Variants in SPAG16 observed in about 807,000 individuals in gnomAD.
SPAG16 encodes sperm associated antigen 16.
SPAG16 carries 86 observed loss-of-function variants against 80.4 expected under a neutral mutation model. The ratio of observed to expected loss-of-function variants is 1.07; its 90% confidence interval spans 0.90 to 1.28. SPAG16 has a LOEUF of 1.28. SPAG16 is among the 50% of genes most tolerant of loss of function. The pLI is 0.00. For missense variants in SPAG16, 870 were observed against 765.3 expected, an observed-to-expected ratio of 1.14 and a Z score of -1.61; for synonymous variants, 294 against 265.9, an observed-to-expected ratio of 1.11 and a Z score of -1.03.
At chr2:214,128,435 G>T (rs1052950981) in intron 14 of SPAG16, among the ~76,000 whole-genome samples, 6 of 151,732 alleles carry the variant, frequency 4.0e-5, no homozygotes. Flanking sequence ...TCATTGTCTG[G>T]TTATGCTCAC....
intron 3 of SPAG16, among the ~76,000 whole-genome samples, chr2:213,305,584 C>T (rs1250377525): frequency 2.6e-5 from 4 of 152,074 alleles, no homozygotes; most frequent in Non-Finnish European, 5.9e-5. Context: ...TGAATTTTAT[C>T]AAATGCTTTT....
chr2:213,825,843 C>G (rs904601654), intron 10 of SPAG16, among the ~76,000 whole-genome samples: 3 of 151,074 alleles, frequency 2.0e-5, no homozygotes, highest in African/African-American at 7.3e-5. Context: ...ATTAGGTCTT[C>G]TTTAAATGTT....
chr2:213,344,747 T>C (rs2064879330), intron 6 of SPAG16, among the ~76,000 whole-genome samples: 1 of 152,032 alleles, frequency 6.6e-6, no homozygotes. Context: ...CCATGGTGTA[T>C]ATGTGCCACA....
chr2:214,016,484 G>A (rs1286976544), intron 13 of SPAG16, among the ~76,000 whole-genome samples: 1 of 152,078 alleles, frequency 6.6e-6, no homozygotes, highest in East Asian at 1.9e-4. Flanking sequence ...GATTTGGGTG[G>A]GGAACAAAAA....
intron 15 of SPAG16, among the ~76,000 whole-genome samples, chr2:214,357,482 C>G (rs1001800092): frequency 3.3e-5 from 5 of 151,870 alleles, no homozygotes; most frequent in Non-Finnish European, 7.4e-5. Context: ...CTAATCTGCT[C>G]TACCCCCTCC....
intron 15 of SPAG16, among the ~76,000 whole-genome samples, chr2:214,192,091 G>A (rs190453020): frequency 9.2e-5 from 14 of 152,206 alleles, no homozygotes; most frequent in African/African-American, 3.4e-4. Flanking sequence ...AAAACTCTGT[G>A]AAGACATGCA....
intron 15 of SPAG16, among the ~76,000 whole-genome samples, chr2:214,227,697 G>GGT (rs1396925045): frequency 2.7e-5 from 2 of 74,032 alleles, no homozygotes; most frequent in African/African-American, 5.4e-5. Flanking sequence ...TCTTGTGGAA[G>GGT]GTGTATGTGT....
At chr2:213,532,429 C>G (rs1316981200) in intron 10 of SPAG16, among the ~76,000 whole-genome samples, 1 of 149,652 alleles carries the variant, frequency 6.7e-6, no homozygotes, top group East Asian at 1.9e-4. Context: ...CTGTTTATTT[C>G]TTGAAAGTTT....
At chr2:213,342,834 A>G (rs115389680) in intron 6 of SPAG16, among the ~76,000 whole-genome samples, 2,678 of 151,868 alleles carry the variant, frequency 0.018, 72 homozygotes, top group African/African-American at 0.051. Flanking sequence ...CGTGATGCCT[A>G]AGAGAAGACA....
chr2:214,312,128 T>C (rs1419393529), intron 15 of SPAG16, among the ~76,000 whole-genome samples: 1 of 152,230 alleles, frequency 6.6e-6, no homozygotes, highest in East Asian at 1.9e-4. Context: ...AATCATTTCC[T>C]TTGTGATGAA....
At chr2:213,652,572 G>A (rs984367874) in intron 10 of SPAG16, among the ~76,000 whole-genome samples, 45 of 151,894 alleles carry the variant, frequency 3.0e-4, no homozygotes, top group African/African-American at 1.0e-3. Flanking sequence ...TGTCTATATT[G>A]TATTATTTTA....
At chr2:214,200,247 C>T (rs2057970840) in intron 15 of SPAG16, among the ~76,000 whole-genome samples, 1 of 151,942 alleles carries the variant, frequency 6.6e-6, no homozygotes. Flanking sequence ...TTTTATTACT[C>T]GAAGGTAAGT....
At chr2:213,506,601 G>T (rs1219506967) in intron 10 of SPAG16, among the ~76,000 whole-genome samples, 3 of 152,066 alleles carry the variant, frequency 2.0e-5, no homozygotes, top group Non-Finnish European at 4.4e-5. Flanking sequence ...GTGGACTGAG[G>T]TTTATTAAAT....
chr2:213,927,593 A>G (rs936582246), intron 11 of SPAG16, among the ~76,000 whole-genome samples: 3 of 152,240 alleles, frequency 2.0e-5, no homozygotes, highest in Middle Eastern at 6.3e-3. Context: ...CTGACTCTAT[A>G]TATTAAAAAC....
chr2:214,322,735 A>G (rs2125996367), intron 15 of SPAG16, among the ~76,000 whole-genome samples: 1 of 152,290 alleles, frequency 6.6e-6, no homozygotes, highest in East Asian at 1.9e-4. Context: ...CATTATTTAT[A>G]AAAATCAAAA....
intron 10 of SPAG16, among the ~76,000 whole-genome samples, chr2:213,786,066 TTATTTC>T (rs1371205789): frequency 6.6e-6 from 1 of 152,200 alleles, no homozygotes; most frequent in African/African-American, 2.4e-5. Context: ...TTAGTTTTCT[TTATTTC>T]TATTTCATTA....
Position 213,700,879 on chromosome 2 carries a change from G to C in SPAG16, c.1071-161606G>C, listed in dbSNP as rs562594367. Among the ~76,000 whole-genome samples, 22 of 152,264 alleles carry C rather than the reference G, an allele frequency of 1.4e-4. 1 individual carries two copies. In the South Asian group the frequency reaches 3.7e-3, roughly 26 times the overall value. On this transcript the variant is annotated intron_variant, in intron 10 of 15. Coordinates refer to ENST00000331683, the MANE Select transcript of SPAG16 (RefSeq NM_024532.5). ...AAGATGATCTAGGCCAGGCGTGGTG[G>C]CTCACACATATAATCCCAGCACTTT...
In SPAG16 at chr2:214,090,234, A is replaced by T. The variant is rs2052085198; in HGVS notation, c.1528-17962A>T. Among the ~76,000 whole-genome samples, 2 of 152,128 alleles carry T rather than the reference A, an allele frequency of 1.3e-5. 1 individual carries two copies. Among genetic ancestry groups the T allele is most frequent in the South Asian group, 4.1e-4 (2 of 4,822 alleles). Reference sequence around the variant, plus strand: ...GAAGATAAAGATGAAGACGAAGAAAAAAAGAAGAATGATAATAAGAACAAG... The same window carrying T: ...GAAGATAAAGATGAAGACGAAGAAATAAAGAAGAATGATAATAAGAACAAG... On this transcript the variant is annotated intron_variant, in intron 13 of 15. Transcript: ENST00000331683.
chr2:214,203,841 G>T (rs2058075126), intron 15 of SPAG16, among the ~76,000 whole-genome samples: 2 of 152,252 alleles, frequency 1.3e-5, no homozygotes, highest in Admixed American at 1.3e-4. Flanking sequence ...GGCGAATCAG[G>T]GGTGCAGACA....
Sources: allele counts gnomAD v4.1 joint callset (sites outside exome capture counted in the v4.1 genomes callset), GRCh38; gene constraint gnomAD v4.1.1; transcripts MANE v1.5; gene names NCBI Gene and HGNC (gene_info 2026-07-23, HGNC 2026-07-21).